The following CYP4Z1 variants were observed in gnomAD, a reference collection of about 807,000 sequenced individuals.
CYP4Z1 encodes cytochrome P450 family 4 subfamily Z member 1, also known as cytochrome P450 4Z1.
A neutral mutation model predicts 54.2 loss-of-function variants in CYP4Z1; 41 were observed. The observed-to-expected ratio is 0.76, with a 90% CI of 0.59 to 0.98. The LOEUF (loss-of-function observed/expected upper bound fraction) is 0.98, where lower values mean the gene tolerates loss of function less well. CYP4Z1 is among the 50% of genes least tolerant of loss of function. The pLI, the probability that CYP4Z1 is intolerant of heterozygous loss-of-function variation, is 0.00. For synonymous variants in CYP4Z1, 163 were observed against 206.2 expected (o/e 0.79, Z 1.79); for missense variants, 513 against 599.0 (o/e 0.86, Z 1.50).
At chr1:47,093,923 G>C (rs932965319) in intron 6 of CYP4Z1, among the ~76,000 whole-genome samples, 5 of 152,188 alleles carry the variant, frequency 3.3e-5, no homozygotes, top group Non-Finnish European at 7.3e-5. Flanking sequence ...AGAGTCTTCA[G>C]GGTTTTCCAG....
chr1:47,115,674 A>C (rs1314052378), intron 10 of CYP4Z1, 81 bp downstream of exon 10: 29 of 1,302,540 alleles, frequency 2.2e-5, no homozygotes, highest in Non-Finnish European at 3.0e-5. Flanking sequence ...TTGAGAGAGC[A>C]GTTAGGATAA....
At position 47,094,684 on chromosome 1, in the gene CYP4Z1, C is replaced by T. The variant is rs1644663883; in HGVS notation, c.876+15C>T. The T allele has an allele frequency of 6.3e-6, 10 of 1,583,274 alleles. No individual in the cohort carries two copies. The highest frequency in any genetic ancestry group is 1.7e-5 in the Admixed American group (1 of 58,110). On this transcript the variant is annotated intron_variant, in intron 7 of 11. Transcript: ENST00000334194. ...TGAGTGCCAAAGTAAGTCTTCTAAA[C>T]TTCTGAACACATTCGACTCAATAAT... is the stretch of plus-strand genomic sequence containing the variant.
At chr1:47,116,850 T>C (rs1364854904) in intron 11 of CYP4Z1, 118 bp downstream of exon 11, 3 of 722,850 alleles carry the variant, frequency 4.2e-6, no homozygotes, top group Non-Finnish European at 6.8e-6. Flanking sequence ...TTATTTTACC[T>C]GGCTTGTCTT....
chr1:47,105,279 G>C (rs1422640823), intron 8 of CYP4Z1, among the ~76,000 whole-genome samples: 1 of 152,166 alleles, frequency 6.6e-6, no homozygotes, highest in African/African-American at 2.4e-5. Context: ...CCCAAGGCAA[G>C]ACACAGTCTG....
intron 7 of CYP4Z1, among the ~76,000 whole-genome samples, chr1:47,095,705 AAAGTG>A (rs1475496345): frequency 3.3e-5 from 5 of 152,252 alleles, no homozygotes; most frequent in Non-Finnish European, 4.4e-5. Flanking sequence ...TGTGGCTCAA[AAAGTG>A]AAGTGAACTG....
chr1:47,057,343 T>TAC, the CYP4Z1 span, among the ~76,000 whole-genome samples: 1 of 16,488 alleles, frequency 6.1e-5, no homozygotes, highest in Non-Finnish European at 1.3e-4. Context: ...AAAATATATA[T>TAC]ATATATATAT....
Position 47,068,630 on chromosome 1 carries a change from A to G in CYP4Z1, c.186A>G (p.Pro62=), listed in dbSNP as rs201401303. Reference sequence around the variant, plus strand: ...GACTTATCTTATGACAGTTTTACCCAGTAAAGGAGTTTGAGGTGTATCATA... The same window carrying G: ...GACTTATCTTATGACAGTTTTACCCGGTAAAGGAGTTTGAGGTGTATCATA... ...HWFYGHKEFY[P]VKEFEVYHKL... The change falls in exon 2 of 12, where the codon CCA becomes CCG. Residue 62 remains proline, a synonymous_variant. Coordinates refer to ENST00000334194, the MANE Select transcript of CYP4Z1 (RefSeq NM_178134.3). 7.4e-6 allele frequency: 12 copies of G among 1,614,092 alleles called. No homozygotes were observed. Among genetic ancestry groups the G allele is most frequent in the Non-Finnish European group, 1.0e-5 (12 of 1,179,978 alleles).
chr1:47,082,081 T>A (rs1473836654), intron 3 of CYP4Z1, among the ~76,000 whole-genome samples: 2 of 151,250 alleles, frequency 1.3e-5, no homozygotes, highest in African/African-American at 4.9e-5. Context: ...TGAACTCTTA[T>A]CAAGAGGCTG....
intron 2 of CYP4Z1, among the ~76,000 whole-genome samples, chr1:47,076,737 T>C: frequency 6.7e-6 from 1 of 149,682 alleles, no homozygotes; most frequent in Non-Finnish European, 1.5e-5. Context: ...CCCAGCTACT[T>C]GAGAGGCTGA....
chr1:47,107,582 C>CT lies in CYP4Z1; in HGVS notation c.1201+1325dup, dbSNP rs1416738196. 3.3e-5 allele frequency among the ~76,000 whole-genome samples: 5 copies of CT among 152,104 alleles called. No homozygotes were observed. In the East Asian group the frequency reaches 9.6e-4, roughly 29 times the overall value. Reference sequence around the variant, plus strand: ...ACAGCTCAGAGTCAACTTTTACTACCTTTTCCCTTAATCTTGCATTTCAAT... The same window carrying CT: ...ACAGCTCAGAGTCAACTTTTACTACCTTTTTCCCTTAATCTTGCATTTCAAT... On this transcript the variant is annotated intron_variant, in intron 9 of 11. Coordinates refer to ENST00000334194, the MANE Select transcript of CYP4Z1 (RefSeq NM_178134.3).
At chr1:47,085,921 C>T (rs1017721189) in intron 6 of CYP4Z1, among the ~76,000 whole-genome samples, 1 of 147,572 alleles carries the variant, frequency 6.8e-6, no homozygotes, top group Non-Finnish European at 1.5e-5. Flanking sequence ...TCAATTCCCA[C>T]CTATGAGTGA....
At chr1:47,114,518 A>G (rs1275165440) in intron 9 of CYP4Z1, among the ~76,000 whole-genome samples, 1 of 152,120 alleles carries the variant, frequency 6.6e-6, no homozygotes, top group Non-Finnish European at 1.5e-5. Context: ...AACCTACAGA[A>G]TGGGAGAAAA....
chr1:47,103,580 T>C (rs1644735683), intron 8 of CYP4Z1, among the ~76,000 whole-genome samples: 1 of 138,380 alleles, frequency 7.2e-6, no homozygotes, highest in African/African-American at 2.7e-5. Flanking sequence ...TTCTTCTTTT[T>C]TTTTTCTTTT....
At chr1:47,111,640 G>C (rs529063431) in intron 9 of CYP4Z1, among the ~76,000 whole-genome samples, 1 of 152,102 alleles carries the variant, frequency 6.6e-6, no homozygotes. Flanking sequence ...GACTTTATGC[G>C]TACAATATTA....
At chr1:47,057,336 ATATATATATATATATAT>A in the CYP4Z1 span, among the ~76,000 whole-genome samples, 5,195 of 56,596 alleles carry the variant, frequency 0.092, 901 homozygotes, top group East Asian at 0.36. Context: ...AGAAAAAAAA[ATATATATATATATATAT>A]ATATATATAT....
At chr1:47,102,132 A>G (rs1644725939) in intron 8 of CYP4Z1, among the ~76,000 whole-genome samples, 2 of 152,078 alleles carry the variant, frequency 1.3e-5, no homozygotes, top group African/African-American at 4.8e-5. Context: ...CTTTCAGTCT[A>G]TATGTGTCTT....
chr1:47,083,723 C>T (rs577063607), intron 4 of CYP4Z1, among the ~76,000 whole-genome samples: 3 of 152,258 alleles, frequency 2.0e-5, no homozygotes, highest in Admixed American at 6.5e-5. Flanking sequence ...TGAACTGATG[C>T]ACCTCTCTTC....
chr1:47,099,050 A>G (rs1299576656), intron 7 of CYP4Z1, 44 bp from the exon 8 acceptor site: 1 of 1,603,374 alleles, frequency 6.2e-7, no homozygotes. Context: ...AAAGATAACA[A>G]TCCATAGCCA....
chr1:47,067,286 G>A lies in CYP4Z1; in HGVS notation c.-205G>A, dbSNP rs1248369678. On this transcript the variant is annotated 5_prime_UTR_variant, in exon 1 of 12. The change abolishes the stop of an existing upstream ORF in the 5' untranslated region. Transcript: ENST00000334194. ...CCTATCTGAAAATCTTGTTCTTCTA[G>A]AATCCAGGTCTGCTGGCCAACATCT... is the stretch of plus-strand genomic sequence containing the variant. Among the ~76,000 whole-genome samples, 1 of 152,150 alleles carries A rather than the reference G, an allele frequency of 6.6e-6. No individual in the cohort carries two copies. Among genetic ancestry groups the A allele is most frequent in the East Asian group, 1.9e-4 (1 of 5,200 alleles).
Sources: allele counts gnomAD v4.1 joint callset (sites outside exome capture counted in the v4.1 genomes callset), GRCh38; gene constraint gnomAD v4.1.1; transcripts MANE v1.5; gene names NCBI Gene and HGNC (gene_info 2026-07-23, HGNC 2026-07-21).